Variants in NEK6 observed in about 807,000 individuals in gnomAD.
NEK6 encodes the protein NIMA related kinase 6.
In NEK6, 27 loss-of-function variants were observed where a neutral mutation model predicts 43.5. That is an observed-to-expected ratio of 0.62 (90% CI 0.46 to 0.86). The LOEUF is 0.86. NEK6 is among the 40% of genes least tolerant of loss of function. The probability of loss-of-function intolerance (pLI) is 0.00; values close to 1 mark genes in which losing one functional copy is unlikely to be tolerated. For missense variants in NEK6, 318 were observed against 414.4 expected (o/e 0.77, Z 2.02); for synonymous variants, 167 against 164.1 (o/e 1.02, Z -0.14).
chr9:124,316,241 G>A (rs946248497), intron 4 of NEK6, among the ~76,000 whole-genome samples: 1 of 152,194 alleles, frequency 6.6e-6, no homozygotes, highest in African/African-American at 2.4e-5. Flanking sequence ...GGGCTGGTGG[G>A]GTCGGCAGCT....
chr9:124,313,421 G>C (rs376499734), intron 3 of NEK6, among the ~76,000 whole-genome samples: 6 of 152,122 alleles, frequency 3.9e-5, no homozygotes, highest in South Asian at 2.1e-4. Flanking sequence ...CCAGGCTGTA[G>C]TGCAGTGGCG....
chr9:124,288,587 T>C (rs1290569665), intron 1 of NEK6, among the ~76,000 whole-genome samples: 1 of 152,182 alleles, frequency 6.6e-6, no homozygotes, highest in Non-Finnish European at 1.5e-5. Flanking sequence ...CTCGGCCCAG[T>C]ACCCACATTT....
intron 1 of NEK6, among the ~76,000 whole-genome samples, chr9:124,285,974 G>A (rs1378694818): frequency 6.6e-6 from 1 of 152,226 alleles, no homozygotes; most frequent in African/African-American, 2.4e-5. Flanking sequence ...ATAAACTGAG[G>A]CCCAGAGAGG....
intron 3 of NEK6, 93 bp downstream of exon 3, chr9:124,312,742 T>C (rs2274780): frequency 0.49 from 634,513 of 1,302,628 alleles, 157,420 homozygotes; most frequent in South Asian, 0.62. Context: ...CTCTCCCCTC[T>C]TCTGTGAACG....
At chr9:124,279,219 C>T (rs954160336) in intron 1 of NEK6, among the ~76,000 whole-genome samples, 2 of 151,720 alleles carry the variant, frequency 1.3e-5, no homozygotes, top group Admixed American at 6.6e-5. Flanking sequence ...AGCTCCCCCT[C>T]GGACCCCTGG....
rs939173473 is a variant in NEK6, at chr9:124,333,243, A to G, written c.622+5798A>G. On this transcript the variant is annotated intron_variant, in intron 7 of 9. Coordinates refer to ENST00000320246, the MANE Select transcript of NEK6 (RefSeq NM_014397.6). Reference sequence around the variant, plus strand: ...TGTGCTCTGTAGTGTCTGAGTGGCTATTGTCAGCGTAGACACCAGGCTTTA... The same window carrying G: ...TGTGCTCTGTAGTGTCTGAGTGGCTGTTGTCAGCGTAGACACCAGGCTTTA... Among the ~76,000 whole-genome samples, 9 of 152,320 alleles carry G rather than the reference A, an allele frequency of 5.9e-5. No individual in the cohort carries two copies. The East Asian group carries it at 9.6e-4, about 16-fold the overall frequency.
Position 124,351,637 on chromosome 9 carries a change from T to A in NEK6, c.*690T>A, listed in dbSNP as rs755159425. The A allele has an allele frequency of 2.0e-5, 3 of 152,230 alleles. No individual in the cohort carries two copies. The highest frequency in any genetic ancestry group is 4.4e-5 in the Non-Finnish European group (3 of 68,060). The allele number at this position is 152,230 out of a possible 1,614,324, so 9.4% of individuals were successfully genotyped here. On this transcript the variant is annotated 3_prime_UTR_variant, in exon 10 of 10. Transcript: ENST00000320246. ...GCTGTGTACCAGGAACTTCGTCACC[T>A]CCTTGAATGCTGGCGGTTCATTTCA...
intron 7 of NEK6, among the ~76,000 whole-genome samples, 185 bp from the exon 8 acceptor site, chr9:124,339,386 C>T (rs1023425311): frequency 6.6e-6 from 1 of 152,002 alleles, no homozygotes; most frequent in Admixed American, 6.6e-5. Flanking sequence ...GCATGGGAAC[C>T]TCTAATCTGA....
chr9:124,270,071 C>T (rs560057780), intron 1 of NEK6, among the ~76,000 whole-genome samples: 41 of 150,392 alleles, frequency 2.7e-4, no homozygotes, highest in Middle Eastern at 7.1e-3. Flanking sequence ...CCTTCCACGC[C>T]CCCCCCCCAT....
At chr9:124,273,812 T>C (rs1831544688) in intron 1 of NEK6, among the ~76,000 whole-genome samples, 1 of 152,126 alleles carries the variant, frequency 6.6e-6, no homozygotes, top group Non-Finnish European at 1.5e-5. Context: ...ACGGGTTTTT[T>C]TGTTGTTGTT....
intron 5 of NEK6, among the ~76,000 whole-genome samples, chr9:124,323,600 A>T (rs1407354622): frequency 6.6e-6 from 1 of 152,138 alleles, no homozygotes; most frequent in Non-Finnish European, 1.5e-5. Flanking sequence ...AGTGGAGCCC[A>T]GACACTGTGG....
At chr9:124,313,317 C>T (rs1422906305) in intron 3 of NEK6, among the ~76,000 whole-genome samples, 4 of 151,448 alleles carry the variant, frequency 2.6e-5, no homozygotes, top group East Asian at 1.9e-4. Flanking sequence ...AGCTTCAGGG[C>T]GCTGGAGGAG....
chr9:124,270,215 G>A (rs944397911), intron 1 of NEK6, among the ~76,000 whole-genome samples: 1 of 152,144 alleles, frequency 6.6e-6, no homozygotes, highest in Non-Finnish European at 1.5e-5. Context: ...GGCCTCGAAA[G>A]GTTGATCAGA....
chr9:124,310,475 G>A (rs1833475224), intron 2 of NEK6, among the ~76,000 whole-genome samples: 1 of 152,212 alleles, frequency 6.6e-6, no homozygotes, highest in Admixed American at 6.5e-5. Context: ...AGGTAATTAG[G>A]CCTCGAGGCT....
chr9:124,336,968 C>CCT (rs1829327239), intron 7 of NEK6, among the ~76,000 whole-genome samples: 1 of 150,638 alleles, frequency 6.6e-6, no homozygotes, highest in African/African-American at 2.4e-5. Context: ...TGCACTCCAG[C>CCT]CTGGGCGACA....
At position 124,320,328 on chromosome 9, in the gene NEK6, C is replaced by T. The variant is rs1342993836; in HGVS notation, c.295-1131C>T. 3.9e-5 allele frequency among the ~76,000 whole-genome samples: 6 copies of T among 152,204 alleles called. No homozygotes were observed. In the East Asian group the frequency reaches 1.2e-3, roughly 29 times the overall value. Reference sequence around the variant, plus strand: ...TGAGCCTGCTCTGGCCCCCAGGGCCCACACATGGGGGGCTGGCTTGGGGAA... The same window carrying T: ...TGAGCCTGCTCTGGCCCCCAGGGCCTACACATGGGGGGCTGGCTTGGGGAA... On this transcript the variant is annotated intron_variant, in intron 4 of 9. Coordinates refer to ENST00000320246, the MANE Select transcript of NEK6 (RefSeq NM_014397.6).
intron 7 of NEK6, among the ~76,000 whole-genome samples, chr9:124,332,742 C>G (rs910187984): frequency 1.3e-5 from 2 of 152,078 alleles, no homozygotes; most frequent in Non-Finnish European, 2.9e-5. Context: ...TTGACAGGAC[C>G]GGCGCATCTT....
At position 124,326,587 on chromosome 9, in the gene NEK6, G is replaced by A. The variant is rs142999687; in HGVS notation, c.514+149G>A. On this transcript the variant is annotated intron_variant, in intron 6 of 9. Coordinates refer to ENST00000320246, the MANE Select transcript of NEK6 (RefSeq NM_014397.6). The surrounding 1 kb of genome is among the most constrained non-coding windows in gnomAD (Gnocchi z 4.5). Reference sequence around the variant, plus strand: ...GGCAAGGGGGCTGCCCAGCAACCGCGCACACACACGCGCCCGGGTCAGGAA... The same window carrying A: ...GGCAAGGGGGCTGCCCAGCAACCGCACACACACACGCGCCCGGGTCAGGAA... 899 of 621,322 alleles carry A rather than the reference G, an allele frequency of 1.4e-3. 5 individuals are homozygous for A. The highest frequency in any genetic ancestry group is 0.013 in the African/African-American group (707 of 54,654). 38.5% of individuals were successfully genotyped at this position (621,322 alleles called of 1,614,324 possible). A position where few individuals can be genotyped will look rare whatever the true frequency, so the allele number is the denominator to read the frequency against.
intron 7 of NEK6, among the ~76,000 whole-genome samples, chr9:124,329,494 T>C (rs1828853318): frequency 6.6e-6 from 1 of 152,232 alleles, no homozygotes; most frequent in Admixed American, 6.5e-5. Context: ...GAATTGGAAC[T>C]TGGGAGAAGG....
Sources: allele counts gnomAD v4.1 joint callset (sites outside exome capture counted in the v4.1 genomes callset), GRCh38; gene constraint gnomAD v4.1.1; non-coding constraint Gnocchi (gnomAD v3.1); transcripts MANE v1.5; gene names NCBI Gene and HGNC (gene_info 2026-07-23, HGNC 2026-07-21).